The following DNAH14 variants were observed in gnomAD, a reference collection of about 807,000 sequenced individuals.
The protein encoded by DNAH14 is axonemal beta dynein heavy chain 14.
In DNAH14, 478 loss-of-function variants were observed where a neutral mutation model predicts 520.9. That is an observed-to-expected ratio of 0.92 (90% CI 0.85 to 0.99). The LOEUF (loss-of-function observed/expected upper bound fraction) is 0.99. Ranked by LOEUF, DNAH14 falls within the 50% of genes least tolerant of loss-of-function variation. The pLI is 0.00. For synonymous variants in DNAH14, 1,581 were observed against 1,757.2 expected (o/e 0.90, Z 2.51); for missense variants, 4,831 against 5,234.5 (o/e 0.92, Z 2.38).
At chr1:225,164,265 G>C (rs913523289) in intron 35 of DNAH14, among the ~76,000 whole-genome samples, 1 of 151,822 alleles carries the variant, frequency 6.6e-6, no homozygotes, top group Non-Finnish European at 1.5e-5. Flanking sequence ...ATCCCTCTTT[G>C]GCCCACTGGT....
chr1:225,284,097 T>C (rs898551884), intron 54 of DNAH14, among the ~76,000 whole-genome samples: 1 of 151,604 alleles, frequency 6.6e-6, no homozygotes, highest in Admixed American at 6.6e-5. Flanking sequence ...CTTAGGAAAA[T>C]ACCAAAAGGA....
chr1:225,266,792 G>T (rs2093135110), intron 49 of DNAH14, 23 bp downstream of exon 49: 1 of 1,460,974 alleles, frequency 6.8e-7, no homozygotes, highest in Non-Finnish European at 9.0e-7. Flanking sequence ...CTAAGATTTT[G>T]TTCACATTAA....
intron 52 of DNAH14, among the ~76,000 whole-genome samples, chr1:225,273,999 G>A (rs1284093639): frequency 6.6e-6 from 1 of 152,050 alleles, no homozygotes; most frequent in African/African-American, 2.4e-5. Flanking sequence ...ACATGTGTGC[G>A]AGTGTGTCTT....
Position 225,289,871 on chromosome 1 carries a change from C to A in DNAH14, c.8272-14C>A. 1 of 1,342,156 alleles carries A rather than the reference C, an allele frequency of 7.5e-7. No individual in the cohort carries two copies. The highest frequency in any genetic ancestry group is 9.7e-7 in the Non-Finnish European group (1 of 1,035,518). The allele number at this position is 1,342,156 out of a possible 1,614,324, so 83.1% of individuals were successfully genotyped here. On this transcript the variant is annotated splice_polypyrimidine_tract_variant and intron_variant, in intron 54 of 85. Coordinates refer to ENST00000682510, the MANE Select transcript of DNAH14 (RefSeq NM_001367479.1). ...AAAATGTATGTCATGTGTTGTATTT[C>A]TTTTCTCCCAAAGATTGGAATAGAT...
At chr1:225,049,216 C>A (rs1028147394) in intron 15 of DNAH14, among the ~76,000 whole-genome samples, 1 of 151,746 alleles carries the variant, frequency 6.6e-6, no homozygotes, top group Non-Finnish European at 1.5e-5. Flanking sequence ...CCCACCACCA[C>A]GCCCAGCTAA....
chr1:224,969,997 A>G (rs1236792879), intron 7 of DNAH14, among the ~76,000 whole-genome samples: 1 of 152,242 alleles, frequency 6.6e-6, no homozygotes, highest in Non-Finnish European at 1.5e-5. Flanking sequence ...AGAACAGGAT[A>G]ACAGCAATGT....
In DNAH14 at chr1:224,999,655, T is replaced by A. The variant is rs1312660848; in HGVS notation, c.831-3128T>A. ...GTTCTCTCTGCTGTTTGTTTCTATG[T>A]TTTATTTTTCCTGCCTTGAACATTT... On this transcript the variant is annotated intron_variant, in intron 8 of 85. Coordinates refer to ENST00000682510, the MANE Select transcript of DNAH14 (RefSeq NM_001367479.1). Among the ~76,000 whole-genome samples, 4 of 152,182 alleles carry A rather than the reference T, an allele frequency of 2.6e-5. No homozygotes were observed. The East Asian group carries it at 7.7e-4, about 29-fold the overall frequency.
At position 225,242,715 on chromosome 1, in the gene DNAH14, C is replaced by T. The variant is rs983447835; in HGVS notation, c.6748+1893C>T. On this transcript the variant is annotated intron_variant, in intron 43 of 85. Coordinates refer to ENST00000682510, the MANE Select transcript of DNAH14 (RefSeq NM_001367479.1). ...ATATTGTAAATACATAAACCAGTAA[C>T]GTAGTCATTTATCATCATTATCAAA... Among the ~76,000 whole-genome samples, 3 of 152,140 alleles carry T rather than the reference C, an allele frequency of 2.0e-5. No homozygotes were observed. The East Asian group carries it at 5.8e-4, about 29-fold the overall frequency.
chr1:225,156,937 G>C lies in DNAH14; in HGVS notation c.5274-2377G>C, dbSNP rs1271847781. Reference sequence around the variant, plus strand: ...TCACCGTTTTAGCCGGGATGGTCTCGATCTCTTGACCTCGTGATCCGCCCG... The same window carrying C: ...TCACCGTTTTAGCCGGGATGGTCTCCATCTCTTGACCTCGTGATCCGCCCG... On this transcript the variant is annotated intron_variant, in intron 34 of 85. Transcript: ENST00000682510. 2.1e-5 allele frequency among the ~76,000 whole-genome samples: 3 copies of C among 145,408 alleles called. 1 individual carries two copies. Among genetic ancestry groups the C allele is most frequent in the Non-Finnish European group, 3.0e-5 (2 of 66,814 alleles).
chr1:225,042,924 G>T lies in DNAH14; in HGVS notation c.1578G>T (p.Glu526Asp). 1 of 1,551,706 alleles carries T rather than the reference G, an allele frequency of 6.4e-7. No individual in the cohort carries two copies. Among genetic ancestry groups the T allele is most frequent in the Non-Finnish European group, 8.7e-7 (1 of 1,146,996 alleles). ...EVNLCLRIPA[E>D]SDSSENSKEN... ...ATCTATGCTTGAGAATTCCTGCTGAGAGTGATTCTTCAGAAAATTCTAAAG... is the reference window on the plus strand; with the variant it reads ...ATCTATGCTTGAGAATTCCTGCTGATAGTGATTCTTCAGAAAATTCTAAAG... The change falls in exon 13 of 86, where the codon GAG becomes GAT. Residue 526 changes from glutamate to aspartate, a missense_variant. Physicochemically the swap from Glu to Asp is conservative, Grantham distance 45 (BLOSUM62 2). Transcript: ENST00000682510.
At chr1:225,053,236 A>G (rs1184705540) in intron 17 of DNAH14, among the ~76,000 whole-genome samples, 2 of 152,032 alleles carry the variant, frequency 1.3e-5, no homozygotes, top group Non-Finnish European at 2.9e-5. Flanking sequence ...GGTAGGCATC[A>G]AGCAGAAACT....
intron 41 of DNAH14, among the ~76,000 whole-genome samples, chr1:225,221,896 AG>A (rs1274475675): frequency 6.6e-6 from 1 of 152,220 alleles, no homozygotes; most frequent in Non-Finnish European, 1.5e-5. Flanking sequence ...CTCTCAATTC[AG>A]GGGGTCAACT....
In DNAH14 at chr1:225,211,873, A is replaced by AATTAATTT. The variant is rs1226840191; in HGVS notation, c.6439+4656_6439+4657insAATTTATT. On this transcript the variant is annotated intron_variant, in intron 41 of 85. Coordinates refer to ENST00000682510, the MANE Select transcript of DNAH14 (RefSeq NM_001367479.1). ...TTAAAGGAAAGAATTTTCAACCCAG[A>AATTAATTT]ATTTATTTATTTATTTATTTATTTA... is the stretch of plus-strand genomic sequence containing the variant. 5.8e-3 allele frequency among the ~76,000 whole-genome samples: 861 copies of AATTAATTT among 147,246 alleles called. 7 individuals carry two copies. Among genetic ancestry groups the AATTAATTT allele is most frequent in the African/African-American group, 0.02 (798 of 39,880 alleles).
At chr1:224,950,046 T>C (rs1219417424) in intron 1 of DNAH14, among the ~76,000 whole-genome samples, 3 of 152,174 alleles carry the variant, frequency 2.0e-5, no homozygotes, top group African/African-American at 4.8e-5. Flanking sequence ...AAATCACTTA[T>C]GCTACCTACA....
At chr1:225,349,845 A>G (rs1343776050) in intron 71 of DNAH14, among the ~76,000 whole-genome samples, 1 of 152,168 alleles carries the variant, frequency 6.6e-6, no homozygotes, top group Non-Finnish European at 1.5e-5. Context: ...GCGACCCAAT[A>G]ATAGTAGGAG....
rs146938681 is a variant in DNAH14, at chr1:224,967,584, G to A, written c.651+1G>A. 2.0e-3 allele frequency: 3,186 copies of A among 1,599,268 alleles called. 31 individuals are homozygous for A. In the East Asian group the frequency reaches 0.024, roughly 12 times the overall value. ...TATTACTGCTTCATTTATCTCAAAG[G>A]TAATGTTTAATGGATGTTTTAAGCT... On this transcript the variant is annotated splice_donor_variant, in intron 6 of 85. Transcript: ENST00000682510. LOFTEE classifies it high-confidence loss of function.
Position 225,358,586 on chromosome 1 carries a change from G to A in DNAH14, c.11710G>A (p.Val3904Ile). The A allele has an allele frequency of 1.3e-6, 2 of 1,549,322 alleles. No homozygotes were observed. Among genetic ancestry groups the A allele is most frequent in the Non-Finnish European group, 1.7e-6 (2 of 1,146,074 alleles). The change falls in exon 74 of 86, where the codon GTT becomes ATT. Residue 3904 changes from valine to isoleucine, a missense_variant. Transcript: ENST00000682510. ...AAATAAGTATCTTCAAAGAACTGGA[G>A]TTAATTTGAAAGATGCATATAAAGG... ...MGNKYLQRTG[V>I]NLKDAYKGSN...
rs1395521701 is a variant in DNAH14, at chr1:225,375,735, A to C, written c.12516+850A>C. ...CTTTATGCACTATTTGCTAAGGCAG[A>C]AAAAGCTATGAGGGCTTTTTTTTTT... On this transcript the variant is annotated intron_variant, in intron 78 of 85. Transcript: ENST00000682510. 2.0e-5 allele frequency among the ~76,000 whole-genome samples: 3 copies of C among 149,626 alleles called. 1 individual carries two copies. Among genetic ancestry groups the C allele is most frequent in the Admixed American group, 2.0e-4 (3 of 15,182 alleles).
chr1:224,948,251 ATGT>A (rs913496700), intron 1 of DNAH14, among the ~76,000 whole-genome samples: 8 of 151,654 alleles, frequency 5.3e-5, no homozygotes, highest in African/African-American at 1.9e-4. Flanking sequence ...TTTAGAAACC[ATGT>A]TGTTAAGTCC....
Sources: gnomAD v4.1 joint callset for allele counts (sites outside exome capture counted in the v4.1 genomes callset) on GRCh38, gnomAD v4.1.1 for gene constraint, MANE v1.5 for transcripts, NCBI Gene and HGNC (gene_info 2026-07-23, HGNC 2026-07-21) for gene names.